Variants in RBFOX1 observed in about 807,000 individuals in gnomAD.
The protein encoded by RBFOX1 is RNA binding fox-1 homolog 1, also known as RNA binding protein fox-1 homolog 1.
A neutral mutation model predicts 57.7 loss-of-function variants in RBFOX1; 8 were observed. The observed-to-expected ratio is 0.14, with a 90% CI of 0.08 to 0.25. The LOEUF (loss-of-function observed/expected upper bound fraction) is 0.25. Ranked by LOEUF, RBFOX1 falls within the 10% of genes least tolerant of loss-of-function variation. The pLI is 1.00. For synonymous variants in RBFOX1, 326 were observed against 222.4 expected, an observed-to-expected ratio of 1.47 and a Z score of -4.15; for missense variants, 611 against 548.5, an observed-to-expected ratio of 1.11 and a Z score of -1.14.
At chr16:7,045,360 AAAAC>A (rs762431175) in intron 3 of RBFOX1, among the ~76,000 whole-genome samples, 11 of 152,192 alleles carry the variant, frequency 7.2e-5, no homozygotes, top group Non-Finnish European at 1.3e-4. Flanking sequence ...AAACACAACA[AAAAC>A]AAACATGTCT....
intron 2 of RBFOX1, among the ~76,000 whole-genome samples, chr16:6,640,787 C>T (rs1299521728): frequency 1.3e-5 from 2 of 152,084 alleles, no homozygotes; most frequent in Non-Finnish European, 2.9e-5. Flanking sequence ...CTTCAGTTGG[C>T]CTTGAACCAG....
chr16:7,631,165 T>TGAGGAGGAG (rs3837772), intron 11 of RBFOX1, among the ~76,000 whole-genome samples: 78 of 150,176 alleles, frequency 5.2e-4, no homozygotes, highest in African/African-American at 1.7e-3. Context: ...GTAATTCCAA[T>TGAGGAGGAG]GAGGAGGAGG....
intron 4 of RBFOX1, among the ~76,000 whole-genome samples, chr16:7,236,668 A>C (rs2093783151): frequency 6.6e-6 from 1 of 152,196 alleles, no homozygotes; most frequent in African/African-American, 2.4e-5. Context: ...TTGTTTGCAG[A>C]AGTAATTTAG....
intron 3 of RBFOX1, among the ~76,000 whole-genome samples, chr16:6,917,061 G>C (rs746716719): frequency 6.6e-6 from 1 of 152,146 alleles, no homozygotes; most frequent in African/African-American, 2.4e-5. Context: ...TTGTTGGACA[G>C]GCTAGTCCTG....
intron 4 of RBFOX1, among the ~76,000 whole-genome samples, chr16:7,206,909 G>C (rs1025098532): frequency 6.6e-6 from 1 of 152,206 alleles, no homozygotes; most frequent in African/African-American, 2.4e-5. Context: ...GTAGTTTATT[G>C]CTTCTTACAG....
At chr16:7,399,062 A>G (rs749263976) in intron 4 of RBFOX1, among the ~76,000 whole-genome samples, 2 of 152,214 alleles carry the variant, frequency 1.3e-5, no homozygotes, top group Non-Finnish European at 2.9e-5. Context: ...CTCACTTTGT[A>G]CCTCAAACCT....
chr16:5,511,535 C>G (rs1275772983), intron 2 of RBFOX1, among the ~76,000 whole-genome samples: 1 of 152,178 alleles, frequency 6.6e-6, no homozygotes, highest in Non-Finnish European at 1.5e-5. Context: ...TCTGTTACTT[C>G]CCTCCTTCCC....
chr16:7,353,073 A>C (rs2097156213), intron 4 of RBFOX1, among the ~76,000 whole-genome samples: 1 of 152,108 alleles, frequency 6.6e-6, no homozygotes, highest in Admixed American at 6.6e-5. Flanking sequence ...TACATAGTGG[A>C]ACCCTAAAGC....
In RBFOX1 at chr16:7,710,575, G is replaced by A. The variant is rs755748916; in HGVS notation, c.1072-48G>A. 5.6e-6 allele frequency: 9 copies of A among 1,607,266 alleles called. No homozygotes were observed. In the Admixed American group the frequency reaches 6.9e-5, roughly 12 times the overall value. On this transcript the variant is annotated intron_variant, in intron 15 of 15. Coordinates refer to ENST00000550418, the MANE Select transcript of RBFOX1 (RefSeq NM_018723.4). ...TAGTCTTTTTGATGATCCACATGTTGCAAAAGGAAAATGTAAAAAACACAC... is the reference window on the plus strand; with the variant it reads ...TAGTCTTTTTGATGATCCACATGTTACAAAAGGAAAATGTAAAAAACACAC...
chr16:6,500,775 A>T (rs538455559), intron 2 of RBFOX1, among the ~76,000 whole-genome samples: 1 of 152,178 alleles, frequency 6.6e-6, no homozygotes, highest in Admixed American at 6.5e-5. Flanking sequence ...CACAAAGATT[A>T]TAAACCAACT....
intron 1 of RBFOX1, among the ~76,000 whole-genome samples, chr16:6,262,607 C>G (rs560281789): frequency 1.9e-4 from 29 of 152,288 alleles, no homozygotes; most frequent in Non-Finnish European, 4.0e-4. Flanking sequence ...TGATTGCTCA[C>G]TTTTATTTTC....
At chr16:7,169,962 A>T (rs988017088) in intron 4 of RBFOX1, among the ~76,000 whole-genome samples, 12 of 152,096 alleles carry the variant, frequency 7.9e-5, no homozygotes, top group African/African-American at 2.9e-4. Flanking sequence ...GGTCCCAGCT[A>T]CTTGGGAGGA....
chr16:5,447,369 A>G (rs2068275205), intron 1 of RBFOX1, among the ~76,000 whole-genome samples: 1 of 103,434 alleles, frequency 9.7e-6, no homozygotes, highest in African/African-American at 4.5e-5. Flanking sequence ...AATGTCAATC[A>G]ATCAATCAAT....
downstream of RBFOX1, among the ~76,000 whole-genome samples, chr16:5,604,019 C>A (rs140678866): frequency 2.6e-5 from 4 of 151,968 alleles, no homozygotes; most frequent in Non-Finnish European, 5.9e-5. Context: ...TCAATGGTGC[C>A]ATTCCCCCCT....
chr16:6,565,162 G>A (rs2097243407), intron 2 of RBFOX1, among the ~76,000 whole-genome samples: 1 of 149,456 alleles, frequency 6.7e-6, no homozygotes, highest in South Asian at 2.1e-4. Flanking sequence ...CAACAGGGAA[G>A]GTAAACTACA....
At chr16:7,559,539 G>A (rs1399643819) in intron 5 of RBFOX1, among the ~76,000 whole-genome samples, 2 of 152,048 alleles carry the variant, frequency 1.3e-5, no homozygotes, top group East Asian at 1.9e-4. Context: ...CACAGGCCTT[G>A]CAAATTAAGA....
intron 2 of RBFOX1, among the ~76,000 whole-genome samples, chr16:6,357,309 C>T (rs2087519737): frequency 6.6e-6 from 1 of 151,978 alleles, no homozygotes; most frequent in African/African-American, 2.4e-5. Flanking sequence ...GAGGGAGAGA[C>T]TGGGGAGCCA....
intron 4 of RBFOX1, among the ~76,000 whole-genome samples, chr16:7,062,838 C>G (rs1443078924): frequency 7.1e-6 from 1 of 141,220 alleles, no homozygotes; most frequent in East Asian, 2.2e-4. Flanking sequence ...ATGTTTAACC[C>G]TGGTTATCCA....
At chr16:6,495,535 A>G (rs1010377467) in intron 2 of RBFOX1, among the ~76,000 whole-genome samples, 6 of 152,250 alleles carry the variant, frequency 3.9e-5, no homozygotes, top group Non-Finnish European at 5.9e-5. Context: ...ATCTATTGAT[A>G]TCACCCTGAA....
Sources: allele counts gnomAD v4.1 joint callset (sites outside exome capture counted in the v4.1 genomes callset), GRCh38; gene constraint gnomAD v4.1.1; transcripts MANE v1.5; gene names NCBI Gene and HGNC (gene_info 2026-07-23, HGNC 2026-07-21).